HTR7: variants seen among roughly 807,000 people sequenced by gnomAD.
HTR7 encodes the protein 5-HT-7.
Under a neutral mutation model 34.0 loss-of-function variants are expected in HTR7, and 16 were observed. The ratio of observed to expected loss-of-function variants is 0.47; its 90% CI spans 0.32 to 0.71. The LOEUF (loss-of-function observed/expected upper bound fraction) is 0.71, where lower values mean the gene tolerates loss of function less well. Ranked by LOEUF, HTR7 falls within the 30% of genes least tolerant of loss-of-function variation. HTR7 has a pLI of 0.04. For synonymous variants in HTR7, 265 were observed against 260.2 expected (o/e 1.02, Z -0.18); for missense variants, 504 against 625.5 (o/e 0.81, Z 2.07).
chr10:90,743,591 AC>A lies in HTR7; in HGVS notation c.1393+1del. On this transcript the variant is annotated splice_donor_variant, in intron 3 of 3. Transcript: ENST00000336152. LOFTEE classifies it high-confidence loss of function. ...CAAAGTCTCCCTTTCCTTGCTACCCACCTGCTAACCAATTGTGATGGTCTGG... is the reference window on the plus strand; with the variant it reads ...CAAAGTCTCCCTTTCCTTGCTACCCACTGCTAACCAATTGTGATGGTCTGG... 1 of 1,612,012 alleles carries A rather than the reference AC, an allele frequency of 6.2e-7. No individual in the cohort carries two copies. The highest frequency in any genetic ancestry group is 8.5e-7 in the Non-Finnish European group (1 of 1,178,302).
intron 1 of HTR7, among the ~76,000 whole-genome samples, chr10:90,753,973 ATAG>A (rs1413091602): frequency 3.3e-5 from 5 of 152,074 alleles, no homozygotes; most frequent in East Asian, 1.9e-4. Context: ...TAAAATATCA[ATAG>A]TAGTTTTACC....
At chr10:90,776,378 T>C (rs1216770387) in intron 1 of HTR7, among the ~76,000 whole-genome samples, 1 of 152,240 alleles carries the variant, frequency 6.6e-6, no homozygotes, top group Admixed American at 6.5e-5. Flanking sequence ...TTAATTCAGA[T>C]ACACCCTCAT....
intron 1 of HTR7, among the ~76,000 whole-genome samples, chr10:90,840,192 C>CACACAA (rs1846307768): frequency 6.6e-6 from 1 of 151,310 alleles, no homozygotes. Flanking sequence ...CACACACACA[C>CACACAA]ACACACACAC....
chr10:90,829,979 A>C (rs1846139708), intron 1 of HTR7, among the ~76,000 whole-genome samples: 1 of 152,258 alleles, frequency 6.6e-6, no homozygotes, highest in African/African-American at 2.4e-5. Context: ...GATTGGAAGA[A>C]TCAATATTGT....
chr10:90,743,483 G>A (rs757129299), intron 3 of HTR7, 110 bp downstream of exon 3: 20 of 872,374 alleles, frequency 2.3e-5, no homozygotes, highest in South Asian at 5.8e-5. Context: ...CCCAGCACAG[G>A]AGAGACAGTG....
chr10:90,750,105 C>T (rs1844711559), intron 1 of HTR7, among the ~76,000 whole-genome samples: 1 of 152,142 alleles, frequency 6.6e-6, no homozygotes. Context: ...TCTTTAAGAT[C>T]ACACAGATTC....
At chr10:90,767,409 A>G (rs1441840540) in intron 1 of HTR7, among the ~76,000 whole-genome samples, 1 of 152,220 alleles carries the variant, frequency 6.6e-6, no homozygotes, top group Non-Finnish European at 1.5e-5. Context: ...TTTGCAAATT[A>G]TCTTTGCACT....
chr10:90,776,842 C>T (rs759006575), intron 1 of HTR7, among the ~76,000 whole-genome samples: 6 of 152,210 alleles, frequency 3.9e-5, no homozygotes, highest in South Asian at 4.1e-4. Context: ...AAAGGCTACA[C>T]GGTCTCAGTG....
intron 1 of HTR7, among the ~76,000 whole-genome samples, chr10:90,785,440 C>A (rs1325932587): frequency 1.3e-5 from 2 of 151,870 alleles, no homozygotes; most frequent in African/African-American, 4.8e-5. Context: ...GAAGTAGAGT[C>A]TAGGGGATTT....
chr10:90,853,332 C>A (rs955841865), intron 1 of HTR7, among the ~76,000 whole-genome samples: 1 of 140,838 alleles, frequency 7.1e-6, no homozygotes, highest in Non-Finnish European at 1.5e-5. Context: ...ATTGCCCAGG[C>A]TAGAGTGCAG....
At chr10:90,833,740 A>G (rs1449374245) in intron 1 of HTR7, among the ~76,000 whole-genome samples, 1 of 152,228 alleles carries the variant, frequency 6.6e-6, no homozygotes, top group Non-Finnish European at 1.5e-5. Flanking sequence ...AGACACAGGA[A>G]ATGATTTATC....
At chr10:90,845,937 C>G (rs1161838093) in intron 1 of HTR7, among the ~76,000 whole-genome samples, 1 of 152,128 alleles carries the variant, frequency 6.6e-6, no homozygotes, top group East Asian at 1.9e-4. Context: ...TGTGGCTGAC[C>G]AGCACTTCAG....
At chr10:90,808,199 G>A (rs992995512) in intron 1 of HTR7, among the ~76,000 whole-genome samples, 1 of 152,056 alleles carries the variant, frequency 6.6e-6, no homozygotes, top group Non-Finnish European at 1.5e-5. Flanking sequence ...CACTTTTCTG[G>A]GGGGGGCAAG....
chr10:90,838,040 G>T (rs1846278455), intron 1 of HTR7, among the ~76,000 whole-genome samples: 2 of 152,034 alleles, frequency 1.3e-5, no homozygotes, highest in Admixed American at 1.3e-4. Context: ...ATCCCTCAAA[G>T]CTTGGTGTTT....
intron 1 of HTR7, among the ~76,000 whole-genome samples, chr10:90,825,438 G>A (rs147924089): frequency 3.3e-4 from 50 of 152,250 alleles, no homozygotes; most frequent in African/African-American, 1.2e-3. Context: ...ACTCTTCAAT[G>A]CACAAACACC....
intron 1 of HTR7, among the ~76,000 whole-genome samples, chr10:90,854,810 CA>C (rs1846554692): frequency 6.6e-6 from 1 of 152,002 alleles, no homozygotes; most frequent in Non-Finnish European, 1.5e-5. Context: ...GTAATGAGCA[CA>C]AAAGCAACAA....
chr10:90,746,289 C>A (rs1844632868), intron 2 of HTR7, among the ~76,000 whole-genome samples: 1 of 152,168 alleles, frequency 6.6e-6, no homozygotes, highest in Admixed American at 6.6e-5. Flanking sequence ...CCTTTTTGTG[C>A]TACATTTTAA....
At chr10:90,849,777 T>C (rs1224658116) in intron 1 of HTR7, among the ~76,000 whole-genome samples, 1 of 152,240 alleles carries the variant, frequency 6.6e-6, no homozygotes, top group Non-Finnish European at 1.5e-5. Flanking sequence ...TTCAGACCAA[T>C]GCTTCTGCTG....
rs549175770 is a variant in HTR7, at chr10:90,786,014, C to A, written c.540-36420G>T. Reference sequence around the variant, plus strand: ...ATGTGGCCTTTCTACAAGGTGCTTTCATACCACCTGGCTTCCTTCTTAAAT... The same window carrying A: ...ATGTGGCCTTTCTACAAGGTGCTTTAATACCACCTGGCTTCCTTCTTAAAT... On this transcript the variant is annotated intron_variant, in intron 1 of 3. Coordinates refer to ENST00000336152, the MANE Select transcript of HTR7 (RefSeq NM_019859.4). Among the ~76,000 whole-genome samples, 204 of 152,326 alleles carry A rather than the reference C, an allele frequency of 1.3e-3. 3 individuals carry two copies. Among genetic ancestry groups the A allele is most frequent in the Non-Finnish European group, 6.0e-4 (41 of 68,030 alleles).
Sources: gnomAD v4.1 joint callset for allele counts (sites outside exome capture counted in the v4.1 genomes callset) on GRCh38, gnomAD v4.1.1 for gene constraint, MANE v1.5 for transcripts, NCBI Gene and HGNC (gene_info 2026-07-23, HGNC 2026-07-21) for gene names.